The following CPNE4 variants were observed in gnomAD, a reference collection of about 807,000 sequenced individuals.
CPNE4 encodes the protein copine 4.
A neutral mutation model predicts 67.9 loss-of-function variants in CPNE4; 25 were observed. The observed-to-expected ratio is 0.37, with a 90% confidence interval of 0.27 to 0.51. The LOEUF is 0.51. Among genes scored for constraint, CPNE4 ranks in the 20% least tolerant of loss-of-function variants. CPNE4 has a pLI of 0.93. For synonymous variants in CPNE4, 242 were observed against 244.9 expected (o/e 0.99, Z 0.11); for missense variants, 464 against 690.8 (o/e 0.67, Z 3.68).
intron 2 of CPNE4, among the ~76,000 whole-genome samples, chr3:131,863,623 A>C (rs1230646599): frequency 6.6e-6 from 1 of 152,180 alleles, no homozygotes; most frequent in African/African-American, 2.4e-5. Context: ...TCAGATGAGT[A>C]GGTTGTGAAA....
intron 3 of CPNE4, among the ~76,000 whole-genome samples, chr3:131,714,631 A>G (rs7611521): frequency 0.84 from 128,042 of 152,098 alleles, 54,980 homozygotes; most frequent in Non-Finnish European, 0.94. Flanking sequence ...AGGGCTTCTC[A>G]AAGTGTGATG....
At chr3:131,768,614 A>C (rs2083084622) in intron 2 of CPNE4, among the ~76,000 whole-genome samples, 1 of 152,188 alleles carries the variant, frequency 6.6e-6, no homozygotes, top group Non-Finnish European at 1.5e-5. Context: ...AAACAGCTTC[A>C]TCTCAAGCAG....
At chr3:131,590,609 A>G (rs577681290) in intron 7 of CPNE4, among the ~76,000 whole-genome samples, 61 of 152,336 alleles carry the variant, frequency 4.0e-4, no homozygotes, top group African/African-American at 1.4e-3. Flanking sequence ...AAGAGGTTAC[A>G]AAGAAATAAC....
chr3:131,933,883 C>T (rs745421293), intron 1 of CPNE4, among the ~76,000 whole-genome samples: 1 of 151,192 alleles, frequency 6.6e-6, no homozygotes, highest in Non-Finnish European at 1.5e-5. Context: ...TTACCAGACG[C>T]TAAGGGATAA....
In CPNE4 at chr3:131,917,889, T is replaced by C. The variant is rs1056709190; in HGVS notation, c.-1-12445A>G. ...CTGTGGATTTCTAGTTCTCACTGAA[T>C]GTGAAAAGAACTCCAGTACAAGAAA... On this transcript the variant is annotated intron_variant, in intron 1 of 15. Coordinates refer to ENST00000429747, the MANE Select transcript of CPNE4 (RefSeq NM_130808.3). Among the ~76,000 whole-genome samples, 32 of 152,232 alleles carry C rather than the reference T, an allele frequency of 2.1e-4. 1 individual carries two copies. The highest frequency in any genetic ancestry group is 7.7e-4 in the African/African-American group (32 of 41,542).
At chr3:131,785,446 AC>A (rs1258261801) in intron 2 of CPNE4, among the ~76,000 whole-genome samples, 1 of 152,016 alleles carries the variant, frequency 6.6e-6, no homozygotes, top group Non-Finnish European at 1.5e-5. Flanking sequence ...TGACGCCATG[AC>A]CACTTGGTTT....
chr3:131,587,382 A>G, intron 8 of CPNE4, 102 bp downstream of exon 8: 1 of 763,594 alleles, frequency 1.3e-6, no homozygotes, highest in Admixed American at 1.9e-5. Context: ...ATCACACTTA[A>G]TCATACATTG....
At chr3:131,700,125 T>C in intron 3 of CPNE4, 145 bp from the exon 4 acceptor site, 1 of 560,192 alleles carries the variant, frequency 1.8e-6, no homozygotes, top group Non-Finnish European at 3.1e-6. Flanking sequence ...TCAGGGTTTG[T>C]CAATGAGCCT....
At chr3:131,783,663 G>C (rs150295070) in intron 2 of CPNE4, among the ~76,000 whole-genome samples, 3 of 151,964 alleles carry the variant, frequency 2.0e-5, no homozygotes, top group African/African-American at 7.2e-5. Context: ...GGGGTATATT[G>C]ATATCCTCTT....
chr3:131,963,383 G>A (rs766085752), intron 1 of CPNE4, among the ~76,000 whole-genome samples: 24 of 151,824 alleles, frequency 1.6e-4, no homozygotes, highest in Non-Finnish European at 2.5e-4. Flanking sequence ...CAACCCCAGC[G>A]AGACAGAACC....
intron 2 of CPNE4, among the ~76,000 whole-genome samples, chr3:131,842,139 G>A (rs1205736302): frequency 6.6e-6 from 1 of 152,240 alleles, no homozygotes; most frequent in Admixed American, 6.5e-5. Context: ...GAATGGCATC[G>A]TGAAGGAGAG....
intron 2 of CPNE4, among the ~76,000 whole-genome samples, chr3:131,882,145 C>T (rs2087695849): frequency 6.6e-6 from 1 of 151,940 alleles, no homozygotes; most frequent in Non-Finnish European, 1.5e-5. Flanking sequence ...AATACACACA[C>T]ACACACACAC....
intron 2 of CPNE4, among the ~76,000 whole-genome samples, chr3:131,880,383 G>A (rs1280281155): frequency 1.3e-5 from 2 of 152,070 alleles, no homozygotes; most frequent in Non-Finnish European, 2.9e-5. Context: ...CAAAGTGCTG[G>A]GATTACAGGC....
chr3:131,595,086 A>G (rs903157189), intron 7 of CPNE4, among the ~76,000 whole-genome samples: 17 of 152,232 alleles, frequency 1.1e-4, no homozygotes, highest in Admixed American at 6.5e-5. Context: ...GAGGATGTGG[A>G]GAAATTGGAA....
At chr3:131,556,776 A>G (rs1276094976) in intron 11 of CPNE4, among the ~76,000 whole-genome samples, 3 of 152,132 alleles carry the variant, frequency 2.0e-5, no homozygotes, top group Non-Finnish European at 4.4e-5. Flanking sequence ...TTCTCTCTTA[A>G]TTATGCATTC....
chr3:131,719,040 G>C lies in CPNE4; in HGVS notation c.360+4406C>G, dbSNP rs115724629. 2.3e-3 allele frequency among the ~76,000 whole-genome samples: 351 copies of C among 152,342 alleles called. 1 individual carries two copies. The highest frequency in any genetic ancestry group is 8.0e-3 in the African/African-American group (331 of 41,570). On this transcript the variant is annotated intron_variant, in intron 3 of 15. Transcript: ENST00000429747. ...ACCAATCACCTGGCTGACAATATGA[G>C]AGGGTGGTTGCCAAAGAACATGCGA... is the stretch of plus-strand genomic sequence containing the variant.
intron 2 of CPNE4, among the ~76,000 whole-genome samples, chr3:131,866,836 C>T (rs1023044205): frequency 2.6e-5 from 4 of 152,084 alleles, no homozygotes; most frequent in Non-Finnish European, 2.9e-5. Context: ...AGCAAAATTA[C>T]GCGAATTAAT....
intron 2 of CPNE4, among the ~76,000 whole-genome samples, chr3:131,753,680 A>C (rs1583143174): frequency 6.6e-6 from 1 of 152,300 alleles, no homozygotes; most frequent in South Asian, 2.1e-4. Flanking sequence ...AGAATGCTCA[A>C]AGTCAGTAAT....
At chr3:131,899,052 G>C (rs902451584) in intron 2 of CPNE4, among the ~76,000 whole-genome samples, 1 of 152,078 alleles carries the variant, frequency 6.6e-6, no homozygotes, top group African/African-American at 2.4e-5. Context: ...AATCTTTTGA[G>C]AAAGAAGCTT....
Sources: gnomAD v4.1 joint callset for allele counts (sites outside exome capture counted in the v4.1 genomes callset) on GRCh38, gnomAD v4.1.1 for gene constraint, MANE v1.5 for transcripts, NCBI Gene and HGNC (gene_info 2026-07-23, HGNC 2026-07-21) for gene names.